The following SLC24A1 variants were observed in gnomAD, a reference collection of about 807,000 sequenced individuals.
SLC24A1 encodes the protein sodium/potassium/calcium exchanger 1.
A neutral mutation model predicts 88.1 loss-of-function variants in SLC24A1; 52 were observed. That is an observed-to-expected ratio of 0.59 (90% CI 0.47 to 0.74). The LOEUF (loss-of-function observed/expected upper bound fraction) is 0.74. SLC24A1 is among the 30% of genes least tolerant of loss of function. The pLI is 0.00. For synonymous variants in SLC24A1, 455 were observed against 498.0 expected, an observed-to-expected ratio of 0.91 and a Z score of 1.15; for missense variants, 1,173 against 1,363.3, an observed-to-expected ratio of 0.86 and a Z score of 2.20.
chr15:65,653,988 T>C lies in SLC24A1; in HGVS notation c.3209T>C (p.Leu1070Pro). 2 of 1,613,958 alleles carry C rather than the reference T, an allele frequency of 1.2e-6. No homozygotes were observed. Among genetic ancestry groups the C allele is most frequent in the Non-Finnish European group, 1.7e-6 (2 of 1,179,806 alleles). Residue 1070 changes from leucine to proline, a missense_variant, in exon 10 of 10, where the codon CTG (leucine) becomes CCG (proline). Leu to Pro is a moderately conservative substitution (Grantham distance 98). Coordinates refer to ENST00000261892, the MANE Select transcript of SLC24A1 (RefSeq NM_004727.3). ...ASCKWRMNKI[L>P]GFTMFLLYFV... is the part of the protein sequence containing the mutation. ...TGTAAATGGAGAATGAACAAGATCC[T>C]GGGCTTCACAATGTTCCTCCTTTAC...
chr15:65,655,384 G>T lies in SLC24A1; in HGVS notation c.*1305G>T. On this transcript the variant is annotated 3_prime_UTR_variant, in exon 10 of 10. Coordinates refer to ENST00000261892, the MANE Select transcript of SLC24A1 (RefSeq NM_004727.3). ...ATTACAAAAGGGAAATTCCAAGAAT[G>T]CATAACACAATGACAACATGGTGAG... 1.0e-6 allele frequency: 1 copy of T among 985,328 alleles called. No homozygotes were observed. The highest frequency in any genetic ancestry group is 1.2e-6 in the Non-Finnish European group (1 of 829,830). The allele number at this position is 985,328 out of a possible 1,614,324, so 61.0% of individuals were successfully genotyped here. A position where few individuals can be genotyped will look rare whatever the true frequency, so the allele number is the denominator to read the frequency against.
At chr15:65,637,481 G>A (rs2074980090) in intron 2 of SLC24A1, among the ~76,000 whole-genome samples, 1 of 152,164 alleles carries the variant, frequency 6.6e-6, no homozygotes, top group South Asian at 2.1e-4. Flanking sequence ...TGGCATTTTA[G>A]GCAGGAGAAA....
intron 2 of SLC24A1, among the ~76,000 whole-genome samples, chr15:65,636,298 C>G (rs961731220): frequency 6.6e-6 from 1 of 151,980 alleles, no homozygotes; most frequent in Non-Finnish European, 1.5e-5. Context: ...CTACAAAAAA[C>G]AAAAAAACGT....
intron 2 of SLC24A1, 123 bp from the exon 3 acceptor site, chr15:65,638,005 G>A: frequency 4.1e-6 from 3 of 727,968 alleles, no homozygotes; most frequent in Non-Finnish European, 7.5e-6. Context: ...AACATTTTCT[G>A]AGACCAGGTT....
In SLC24A1 at chr15:65,655,857, G is replaced by A. The variant is rs1447738351; in HGVS notation, c.*1778G>A. ...TTTCAATAAACTGTGAATCCCAATG[G>A]TATTTTACTTTACAACATGGATGGG... is the stretch of plus-strand genomic sequence containing the variant. On this transcript the variant is annotated 3_prime_UTR_variant, in exon 10 of 10. Coordinates refer to ENST00000261892, the MANE Select transcript of SLC24A1 (RefSeq NM_004727.3). 2.0e-6 allele frequency: 2 copies of A among 984,800 alleles called. No homozygotes were observed. Among genetic ancestry groups the A allele is most frequent in the Non-Finnish European group, 2.4e-6 (2 of 829,610 alleles). 61.0% of individuals were successfully genotyped at this position (984,800 alleles called of 1,614,324 possible).
chr15:65,638,144 T>C lies in SLC24A1; in HGVS notation c.1907T>C (p.Ile636Thr). ...EDLSKPGDGA[I>T]AVDELQDNKK... ...TGTTTGCAGCCGGGCGATGGGGCCATTGCGGTGGATGAGCTACAGGATAAC... is the reference window on the plus strand; with the variant it reads ...TGTTTGCAGCCGGGCGATGGGGCCACTGCGGTGGATGAGCTACAGGATAAC... The change falls in exon 3 of 10, where the codon ATT becomes ACT. Residue 636 changes from isoleucine (I) to threonine (T), a missense_variant. Coordinates refer to ENST00000261892, the MANE Select transcript of SLC24A1 (RefSeq NM_004727.3). 6.2e-7 allele frequency: 1 copy of C among 1,610,602 alleles called. No individual in the cohort carries two copies. The highest frequency in any genetic ancestry group is 8.5e-7 in the Non-Finnish European group (1 of 1,178,384).
Position 65,652,649 on chromosome 15 carries a change from A to G in SLC24A1, c.2891A>G (p.Glu964Gly). 1 of 1,613,908 alleles carries G rather than the reference A, an allele frequency of 6.2e-7. No homozygotes were observed. Among genetic ancestry groups the G allele is most frequent in the Non-Finnish European group, 8.5e-7 (1 of 1,179,852 alleles). The change falls in exon 9 of 10, where the codon GAA becomes GGA. Residue 964 changes from glutamate (E) to glycine (G), a missense_variant. Physicochemically the swap from Glu to Gly is moderately conservative, Grantham distance 98. Coordinates refer to ENST00000261892, the MANE Select transcript of SLC24A1 (RefSeq NM_004727.3). Reference sequence around the variant, plus strand: ...ACCGTTGCCGTTTACCAGGTTGGTGAAACAATAGGGATTTCTGAAGAGATC... The same window carrying G: ...ACCGTTGCCGTTTACCAGGTTGGTGGAACAATAGGGATTTCTGAAGAGATC... ...LMVWWAHQVG[E>G]TIGISEEIMG...
At chr15:65,641,830 A>G (rs2075139633) in intron 4 of SLC24A1, among the ~76,000 whole-genome samples, 1 of 152,244 alleles carries the variant, frequency 6.6e-6, no homozygotes, top group Admixed American at 6.5e-5. Context: ...GGGCATCTCC[A>G]TGACCAACAG....
At chr15:65,630,818 A>G (rs1262517067) in intron 2 of SLC24A1, among the ~76,000 whole-genome samples, 1 of 152,024 alleles carries the variant, frequency 6.6e-6, no homozygotes, top group Non-Finnish European at 1.5e-5. Flanking sequence ...TAAAAATACA[A>G]AAATTTGCCA....
chr15:65,621,641 C>A (rs974457884), upstream of SLC24A1, among the ~76,000 whole-genome samples: 1 of 152,186 alleles, frequency 6.6e-6, no homozygotes, highest in Non-Finnish European at 1.5e-5. Context: ...CAGTCACTTT[C>A]CCTTCGTTTT....
At chr15:65,644,552 C>T (rs748403532) in intron 5 of SLC24A1, 39 bp downstream of exon 5, 10 of 1,398,250 alleles carry the variant, frequency 7.2e-6, no homozygotes, top group African/African-American at 7.1e-5. Flanking sequence ...TCTCCTGCCC[C>T]CCTCTCCCTG....
intron 3 of SLC24A1, 111 bp downstream of exon 3, chr15:65,638,292 T>A: frequency 1.3e-6 from 1 of 788,344 alleles, no homozygotes; most frequent in Non-Finnish European, 2.1e-6. Context: ...TGCTCAGGCC[T>A]AGGAAACTCC....
At position 65,654,072 on chromosome 15, in the gene SLC24A1, C is replaced by T; in HGVS notation, c.3293C>T (p.Ser1098Phe). Residue 1098 changes from serine (S) to phenylalanine (F), a missense_variant, in exon 10 of 10, where the codon TCT becomes TTT. Coordinates refer to ENST00000261892, the MANE Select transcript of SLC24A1 (RefSeq NM_004727.3). ...LEDRIISCPV[S>F]V ...GATCGAATCATATCCTGTCCTGTATCTGTCTGAATCAGTCACTCTTGCTCA... is the reference window on the plus strand; with the variant it reads ...GATCGAATCATATCCTGTCCTGTATTTGTCTGAATCAGTCACTCTTGCTCA... 6.2e-7 allele frequency: 1 copy of T among 1,611,844 alleles called. No individual in the cohort carries two copies. Among genetic ancestry groups the T allele is most frequent in the Admixed American group, 1.7e-5 (1 of 59,962 alleles).
intron 2 of SLC24A1, among the ~76,000 whole-genome samples, chr15:65,630,504 C>A (rs564523527): frequency 4.2e-4 from 64 of 152,122 alleles, no homozygotes; most frequent in African/African-American, 1.5e-3. Context: ...CTCTGTGGGT[C>A]CTGCCTACAC....
chr15:65,650,883 C>G lies in SLC24A1; in HGVS notation c.2734C>G (p.Leu912Val), dbSNP rs1340191572. 6.2e-7 allele frequency: 1 copy of G among 1,613,876 alleles called. No homozygotes were observed. The highest frequency in any genetic ancestry group is 2.2e-5 in the East Asian group (1 of 44,882). The change falls in exon 7 of 10, where the codon CTC becomes GTC. Residue 912 changes from leucine to valine, a missense_variant. Physicochemically the swap from Leu to Val is conservative, Grantham distance 32. Coordinates refer to ENST00000261892, the MANE Select transcript of SLC24A1 (RefSeq NM_004727.3). This position sits in a 1 kb window ranked among gnomAD's most constrained non-coding sequence, Gnocchi z 4.1. ...AACCAGGCAGAAGCAGGCCATTTAC[C>G]TCTTCCTTCTGCCCATCGTGTTCCC... Reference protein sequence around the residue: ...PETRQKQAIYLFLLPIVFPLW... With the variant: ...PETRQKQAIYVFLLPIVFPLW...
In SLC24A1 at chr15:65,613,868, G is replaced by A. The variant is rs555989238; in HGVS notation, c.-228+1255G>A. Among the ~76,000 whole-genome samples, 3 of 152,128 alleles carry A rather than the reference G, an allele frequency of 2.0e-5. No homozygotes were observed. In the South Asian group the frequency reaches 6.2e-4, roughly 32 times the overall value. ...GGCTGAGGGGTGGGGGAAGAGCAGTGGGCCTACTTCTCTTTTGCATTCTTC... is the reference window on the plus strand; with the variant it reads ...GGCTGAGGGGTGGGGGAAGAGCAGTAGGCCTACTTCTCTTTTGCATTCTTC... On this transcript the variant is annotated intron_variant, in intron 2 of 11. Transcript: ENST00000537259.
At chr15:65,656,320 G>C (rs1206513362), downstream of SLC24A1, 1 of 898,398 alleles carries the variant, frequency 1.1e-6, no homozygotes, top group African/African-American at 1.8e-5. Context: ...AGGAAGTTCT[G>C]ATCACTTTAC....
chr15:65,659,397 G>C (rs543797536), downstream of SLC24A1: 1 of 120,702 alleles, frequency 8.3e-6, no homozygotes, highest in African/African-American at 3.2e-5. Context: ...GCAATGGCAT[G>C]ATCACAGCTC....
At chr15:65,628,401 G>A (rs552412289) in intron 2 of SLC24A1, among the ~76,000 whole-genome samples, 14 of 152,332 alleles carry the variant, frequency 9.2e-5, no homozygotes, top group African/African-American at 3.4e-4. Context: ...CAAGCCCAGT[G>A]TCTTGTTCTT....
Sources: allele counts gnomAD v4.1 joint callset (sites outside exome capture counted in the v4.1 genomes callset), GRCh38; gene constraint gnomAD v4.1.1; non-coding constraint Gnocchi (gnomAD v3.1); transcripts MANE v1.5; gene names NCBI Gene and HGNC (gene_info 2026-07-23, HGNC 2026-07-21).